Variants in LEMD1 observed in about 807,000 individuals in gnomAD.
The protein encoded by LEMD1 is LEM domain containing 1.
A neutral mutation model predicts 17.4 loss-of-function variants in LEMD1; 18 were observed. The observed-to-expected ratio is 1.04, with a 90% CI of 0.72 to 1.54. The LOEUF is 1.54. Among genes scored for constraint, LEMD1 ranks in the 40% most tolerant of loss-of-function variants. LEMD1 has a pLI of 0.00. For missense variants in LEMD1, 195 were observed against 210.4 expected (o/e 0.93, Z 0.45); for synonymous variants, 88 against 77.8 (o/e 1.13, Z -0.69).
chr1:205,438,938 C>T (rs536223294), intron 1 of LEMD1, among the ~76,000 whole-genome samples: 20 of 152,344 alleles, frequency 1.3e-4, no homozygotes, highest in Admixed American at 2.6e-4. Context: ...CTCCCCAGGA[C>T]GTACTTTCTC....
upstream of LEMD1, among the ~76,000 whole-genome samples, chr1:205,425,470 C>T (rs553886776): frequency 1.5e-4 from 23 of 152,186 alleles, no homozygotes; most frequent in Admixed American, 3.3e-4. Context: ...ACGGATCATC[C>T]GCAGAGCTCG....
At chr1:205,436,910 T>C (rs529432226) in intron 1 of LEMD1, 2 of 152,294 alleles carry the variant, frequency 1.3e-5, no homozygotes, top group Non-Finnish European at 2.9e-5. Flanking sequence ...CCCTTTATAA[T>C]GCGTGCCTTC....
chr1:205,421,147 G>GA (rs1020482471), intron 1 of LEMD1, among the ~76,000 whole-genome samples: 3 of 151,766 alleles, frequency 2.0e-5, no homozygotes, highest in Admixed American at 6.6e-5. Flanking sequence ...ATTGGCATTT[G>GA]AAAAAAAGTC....
chr1:205,418,651 G>A (rs1665810310), intron 3 of LEMD1, among the ~76,000 whole-genome samples: 1 of 152,172 alleles, frequency 6.6e-6, no homozygotes, highest in African/African-American at 2.4e-5. Flanking sequence ...GAGTAGCTGG[G>A]ATTACAGGTG....
At position 205,411,242 on chromosome 1, in the gene LEMD1, AG is replaced by A. The variant is rs1166257423; in HGVS notation, c.270+4989del. ...AGGAAGGAAGGAGGGAGGGAGGGAA[AG>A]GAAGGAAGGAAGGAAGGAAAAAGAA... On this transcript the variant is annotated intron_variant, in intron 4 of 5. Transcript: ENST00000367153. Among the ~76,000 whole-genome samples the A allele has an allele frequency of 1.1e-4, 17 of 149,174 alleles. No homozygotes were observed. In the East Asian group the frequency reaches 2.0e-3, roughly 17 times the overall value.
At chr1:205,428,511 C>T (rs1028563635) in intron 1 of LEMD1, among the ~76,000 whole-genome samples, 18 of 152,232 alleles carry the variant, frequency 1.2e-4, no homozygotes, top group Admixed American at 3.9e-4. Flanking sequence ...CCTCCTGAAG[C>T]GTATTGTCCT....
At chr1:205,430,089 TGAGAGAGCAATC>T (rs1200860597) in intron 1 of LEMD1, among the ~76,000 whole-genome samples, 1 of 152,234 alleles carries the variant, frequency 6.6e-6, no homozygotes. Context: ...CCACTGCCCC[TGAGAGAGCAATC>T]GAGAGAGCAA....
rs765056819 is a variant in LEMD1, at chr1:205,420,441, C to T, written c.82+14G>A. ...AATGACAAGTCTGTAATATTTGCTG[C>T]ATACTGTACATACGTAGTATTGGGC... On this transcript the variant is annotated intron_variant, in intron 2 of 5. Coordinates refer to ENST00000367153, the MANE Select transcript of LEMD1 (RefSeq NM_001199050.2). The T allele has an allele frequency of 1.6e-5, 26 of 1,597,582 alleles. No homozygotes were observed. Among genetic ancestry groups the T allele is most frequent in the Non-Finnish European group, 2.2e-5 (26 of 1,165,358 alleles).
chr1:205,388,469 G>C (rs1484235168), intron 4 of LEMD1, among the ~76,000 whole-genome samples: 1 of 152,168 alleles, frequency 6.6e-6, no homozygotes, highest in Non-Finnish European at 1.5e-5. Flanking sequence ...GATTACAAGT[G>C]TGAGCCACCA....
intron 4 of LEMD1, among the ~76,000 whole-genome samples, chr1:205,403,295 C>T (rs1289633264): frequency 6.6e-6 from 1 of 151,792 alleles, no homozygotes; most frequent in Non-Finnish European, 1.5e-5. Flanking sequence ...CCTCCTTGTA[C>T]CTCTGGTAGA....
chr1:205,424,215 A>C (rs1036572417), upstream of LEMD1, among the ~76,000 whole-genome samples: 1 of 152,218 alleles, frequency 6.6e-6, no homozygotes, highest in Non-Finnish European at 1.5e-5. Flanking sequence ...TAAAGCCCGC[A>C]TCACTCATCA....
intron 4 of LEMD1, among the ~76,000 whole-genome samples, chr1:205,407,447 C>T (rs189230473): frequency 1.5e-3 from 231 of 151,902 alleles, no homozygotes; most frequent in African/African-American, 5.3e-3. Flanking sequence ...GTCAATCATG[C>T]GTAAGTAACA....
intron 4 of LEMD1, among the ~76,000 whole-genome samples, chr1:205,411,085 AAAAGAAG>A (rs139263744): frequency 0.67 from 96,432 of 143,024 alleles, 33,005 homozygotes; most frequent in East Asian, 0.89. Flanking sequence ...AAATGAAGGA[AAAAGAAG>A]AAAGAAAAAA....
chr1:205,384,162 T>A (rs1242790570), intron 5 of LEMD1, 126 bp downstream of exon 5: 1 of 522,672 alleles, frequency 1.9e-6, no homozygotes, highest in Non-Finnish European at 3.2e-6. Flanking sequence ...ATATTACAAA[T>A]CTTTCTCCTT....
chr1:205,415,811 C>T (rs902822858), intron 4 of LEMD1, among the ~76,000 whole-genome samples: 4 of 152,122 alleles, frequency 2.6e-5, no homozygotes, highest in African/African-American at 7.2e-5. Context: ...CACATTTGGC[C>T]GTGTGCTTCA....
At chr1:205,431,206 G>A (rs1192161198) in intron 1 of LEMD1, among the ~76,000 whole-genome samples, 1 of 152,156 alleles carries the variant, frequency 6.6e-6, no homozygotes, top group Non-Finnish European at 1.5e-5. Context: ...AATCATTCCT[G>A]ACCTCTCCGT....
At chr1:205,395,594 C>A (rs1210482324) in intron 4 of LEMD1, among the ~76,000 whole-genome samples, 8 of 129,230 alleles carry the variant, frequency 6.2e-5, no homozygotes, top group African/African-American at 1.7e-4. Flanking sequence ...AATTCTGTCT[C>A]AAAAAAAAAA....
chr1:205,436,791 T>C (rs1666216084), intron 1 of LEMD1: 1 of 152,248 alleles, frequency 6.6e-6, no homozygotes, highest in Non-Finnish European at 1.5e-5. Flanking sequence ...CCCACTGAAC[T>C]CAGCAGCCCA....
At chr1:205,403,366 C>A (rs1416780083) in intron 4 of LEMD1, among the ~76,000 whole-genome samples, 1 of 152,124 alleles carries the variant, frequency 6.6e-6, no homozygotes, top group African/African-American at 2.4e-5. Flanking sequence ...TTGATTATTG[C>A]CACAATTTCA....
Sources: allele counts gnomAD v4.1 joint callset (sites outside exome capture counted in the v4.1 genomes callset), GRCh38; gene constraint gnomAD v4.1.1; transcripts MANE v1.5; gene names NCBI Gene and HGNC (gene_info 2026-07-23, HGNC 2026-07-21).